The following GBF1 variants were observed in gnomAD, a reference collection of about 807,000 sequenced individuals.
GBF1 encodes golgi brefeldin A resistant guanine nucleotide exchange factor 1.
Under a neutral mutation model 210.5 loss-of-function variants are expected in GBF1, and 114 were observed. The ratio of observed to expected loss-of-function variants is 0.54; its 90% CI spans 0.47 to 0.63. The LOEUF is 0.63. Ranked by LOEUF, GBF1 falls within the 30% of genes least tolerant of loss-of-function variation. The pLI is 0.00. For missense variants in GBF1, 1,851 were observed against 2,357.7 expected, an observed-to-expected ratio of 0.79 and a Z score of 4.45; for synonymous variants, 850 against 889.2, an observed-to-expected ratio of 0.96 and a Z score of 0.78.
rs747093241 is a variant in GBF1, at chr10:102,368,471, C to T, written c.2879+17C>T. Reference sequence around the variant, plus strand: ...AGGCTTCAGGTAGCCCAGCTTTGGCCTTGGTCTTCACCTCCCACTAGCTCT... The same window carrying T: ...AGGCTTCAGGTAGCCCAGCTTTGGCTTTGGTCTTCACCTCCCACTAGCTCT... On this transcript the variant is annotated intron_variant, in intron 22 of 39. Coordinates refer to ENST00000369983, the MANE Select transcript of GBF1 (RefSeq NM_001377137.1). The T allele has an allele frequency of 8.4e-6, 12 of 1,423,906 alleles. No homozygotes were observed. Among genetic ancestry groups the T allele is most frequent in the Non-Finnish European group, 1.1e-5 (11 of 1,007,360 alleles). 88.2% of individuals were successfully genotyped at this position (1,423,906 alleles called of 1,614,324 possible).
intron 3 of GBF1, among the ~76,000 whole-genome samples, chr10:102,320,907 A>G (rs2134156730): frequency 6.6e-6 from 1 of 151,654 alleles, no homozygotes; most frequent in African/African-American, 2.4e-5. Flanking sequence ...GTGATTCTCA[A>G]GCGTCAGCCT....
chr10:102,380,433 G>A, intron 37 of GBF1, 71 bp downstream of exon 37: 5 of 1,580,144 alleles, frequency 3.2e-6, no homozygotes, highest in Non-Finnish European at 3.5e-6. Context: ...TTTCCCCCTT[G>A]GTAGCTACCT....
intron 3 of GBF1, among the ~76,000 whole-genome samples, chr10:102,317,239 T>C (rs1166573924): frequency 6.6e-6 from 1 of 152,184 alleles, no homozygotes; most frequent in Non-Finnish European, 1.5e-5. Flanking sequence ...AAGTCTAGCC[T>C]GGGCAACATA....
chr10:102,303,147 C>T (rs1372542541), intron 3 of GBF1, among the ~76,000 whole-genome samples: 1 of 152,014 alleles, frequency 6.6e-6, no homozygotes, highest in Admixed American at 6.6e-5. Context: ...GCCACCACAC[C>T]CAGCTAATTT....
intron 1 of GBF1, among the ~76,000 whole-genome samples, chr10:102,250,857 T>C (rs2071427492): frequency 6.6e-6 from 1 of 152,116 alleles, no homozygotes; most frequent in African/African-American, 2.4e-5. Context: ...CTCGGGAGGC[T>C]GAGGCAGGAG....
chr10:102,259,055 T>C, intron 2 of GBF1, 21 bp downstream of exon 2: 4 of 1,257,776 alleles, frequency 3.2e-6, no homozygotes, highest in Non-Finnish European at 4.7e-6. Flanking sequence ...AATGGATAAA[T>C]AGCCTGGTCA....
intron 29 of GBF1, among the ~76,000 whole-genome samples, chr10:102,372,815 T>G (rs529067531): frequency 1.2e-4 from 19 of 152,198 alleles, no homozygotes; most frequent in Non-Finnish European, 2.4e-4. Context: ...ATAAAAACTT[T>G]AGAAACAGGA....
At chr10:102,356,781 A>G (rs985171796) in intron 8 of GBF1, among the ~76,000 whole-genome samples, 7 of 151,968 alleles carry the variant, frequency 4.6e-5, no homozygotes, top group Non-Finnish European at 1.0e-4. Flanking sequence ...AAAAAAAAAA[A>G]AAAAATGGGG....
At chr10:102,300,901 T>C (rs2077279227) in intron 3 of GBF1, among the ~76,000 whole-genome samples, 1 of 152,204 alleles carries the variant, frequency 6.6e-6, no homozygotes, top group Admixed American at 6.5e-5. Context: ...TGTGTTTTAG[T>C]TCTCGTTAAT....
intron 3 of GBF1, among the ~76,000 whole-genome samples, chr10:102,266,949 A>G (rs1262273208): frequency 6.6e-6 from 1 of 152,192 alleles, no homozygotes; most frequent in Non-Finnish European, 1.5e-5. Context: ...TTGTGAATTC[A>G]GAGTCTGAGC....
chr10:102,377,209 A>C (rs1453843967), intron 33 of GBF1, 69 bp downstream of exon 33: 2 of 1,331,540 alleles, frequency 1.5e-6, no homozygotes, highest in Non-Finnish European at 2.1e-6. Context: ...GCGGCCAGGG[A>C]AAGCCAGGGC....
intron 3 of GBF1, among the ~76,000 whole-genome samples, chr10:102,309,702 AGT>A (rs1378657648): frequency 3.5e-4 from 54 of 152,248 alleles, no homozygotes; most frequent in African/African-American, 1.3e-3. Flanking sequence ...ATCATAACCT[AGT>A]TATGATTTTT....
intron 3 of GBF1, among the ~76,000 whole-genome samples, chr10:102,294,386 C>CT (rs56033220): frequency 0.33 from 45,820 of 140,754 alleles, 8,021 homozygotes; most frequent in South Asian, 0.48. Flanking sequence ...TTTTCTTTTT[C>CT]TTTTTTTTTT....
intron 1 of GBF1, among the ~76,000 whole-genome samples, chr10:102,256,094 C>T (rs2072321505): frequency 6.6e-6 from 1 of 152,160 alleles, no homozygotes; most frequent in Non-Finnish European, 1.5e-5. Context: ...TACAGGTGTG[C>T]ACCACCACAC....
At chr10:102,240,692 C>T (rs933920023), upstream of GBF1, among the ~76,000 whole-genome samples, 1 of 152,242 alleles carries the variant, frequency 6.6e-6, no homozygotes, top group South Asian at 2.1e-4. Context: ...TCTGAGGCGG[C>T]CTCAAGTCAG....
chr10:102,254,744 AT>A (rs1252128133), intron 1 of GBF1, among the ~76,000 whole-genome samples: 3 of 151,552 alleles, frequency 2.0e-5, no homozygotes, highest in Non-Finnish European at 4.4e-5. Flanking sequence ...TTTTCTATTA[AT>A]TTTTCATTTG....
At chr10:102,301,638 G>T (rs1415191747) in intron 3 of GBF1, among the ~76,000 whole-genome samples, 12 of 144,934 alleles carry the variant, frequency 8.3e-5, no homozygotes, top group Non-Finnish European at 1.1e-4. Flanking sequence ...GGTCGCGGCC[G>T]GGCAGAGGCG....
At chr10:102,258,310 T>G (rs961165959) in intron 1 of GBF1, among the ~76,000 whole-genome samples, 2 of 151,080 alleles carry the variant, frequency 1.3e-5, no homozygotes, top group African/African-American at 4.8e-5. Context: ...ATGCGCCACC[T>G]CGCCTGGCTA....
At chr10:102,308,154 C>A (rs2078078995) in intron 3 of GBF1, among the ~76,000 whole-genome samples, 1 of 129,458 alleles carries the variant, frequency 7.7e-6, no homozygotes, top group Non-Finnish European at 1.6e-5. Context: ...ATATGTTCAC[C>A]AAAAGATGTT....
Sources: gnomAD v4.1 joint callset for allele counts (sites outside exome capture counted in the v4.1 genomes callset) on GRCh38, gnomAD v4.1.1 for gene constraint, MANE v1.5 for transcripts, NCBI Gene and HGNC (gene_info 2026-07-23, HGNC 2026-07-21) for gene names.